GRWD1: variants seen among roughly 807,000 people sequenced by gnomAD.
GRWD1 encodes the protein glutamate rich WD repeat containing 1.
GRWD1 carries 29 observed loss-of-function variants against 45.3 expected under a neutral mutation model. The observed-to-expected ratio is 0.64, with a 90% CI of 0.48 to 0.87. The LOEUF is 0.87. GRWD1 is among the 40% of genes least tolerant of loss of function. The pLI is 0.00. For missense variants in GRWD1, 592 were observed against 618.8 expected (o/e 0.96, Z 0.46); for synonymous variants, 262 against 257.6 (o/e 1.02, Z -0.16).
chr19:48,450,202 A>G lies in GRWD1; in HGVS notation c.469-111A>G. On this transcript the variant is annotated intron_variant, in intron 3 of 6. Transcript: ENST00000253237. The surrounding 1 kb of genome is among the most constrained non-coding windows in gnomAD (Gnocchi z 5.1). ...GGAGCTGTAGTCCCAGGCCTGGGAG[A>G]TCTGAGGAAGCGCACTTCTGGTTCT... is the stretch of plus-strand genomic sequence containing the variant. The G allele has an allele frequency of 1.2e-6, 1 of 800,348 alleles. No homozygotes were observed. Among genetic ancestry groups the G allele is most frequent in the Non-Finnish European group, 2.1e-6 (1 of 487,748 alleles). 49.6% of individuals were successfully genotyped at this position (800,348 alleles called of 1,614,324 possible).
chr19:48,450,884 G>C lies in GRWD1; in HGVS notation c.825+76G>C. On this transcript the variant is annotated intron_variant, in intron 5 of 6. Transcript: ENST00000253237. The surrounding 1 kb of genome is among the most constrained non-coding windows in gnomAD (Gnocchi z 5.1). ...GGGACCTAGAATCCTAGGTCTGAGG[G>C]AAAAGAGGGCTGGGAGCCTGACGGA... is the stretch of plus-strand genomic sequence containing the variant. 1.3e-6 allele frequency: 2 copies of C among 1,531,242 alleles called. No homozygotes were observed. Among genetic ancestry groups the C allele is most frequent in the South Asian group, 1.2e-5 (1 of 85,294 alleles). 94.9% of individuals were successfully genotyped at this position (1,531,242 alleles called of 1,614,324 possible).
In GRWD1 at chr19:48,446,960, G is replaced by A. The variant is rs929767938; in HGVS notation, c.468+117G>A. On this transcript the variant is annotated intron_variant, in intron 3 of 6. Transcript: ENST00000253237. Reference sequence around the variant, plus strand: ...TTTTTTTTTTTTTTTTTTTTGAGACGTAGTCTCGCTCTGTCACCCAGGCTG... The same window carrying A: ...TTTTTTTTTTTTTTTTTTTTGAGACATAGTCTCGCTCTGTCACCCAGGCTG... 90 of 906,546 alleles carry A rather than the reference G, an allele frequency of 9.9e-5. 1 individual carries two copies. Among genetic ancestry groups the A allele is most frequent in the Non-Finnish European group, 1.3e-4 (82 of 636,060 alleles). The allele number at this position is 906,546 out of a possible 1,614,324, so 56.2% of individuals were successfully genotyped here.
Position 48,450,925 on chromosome 19 carries a change from C to T in GRWD1, c.826-109C>T. ...GCCTGACGGAGGTTTAGTTTCCAGG[C>T]CAAGTCATAGTAAGGGGAACAGTGA... On this transcript the variant is annotated intron_variant, in intron 5 of 6. Coordinates refer to ENST00000253237, the MANE Select transcript of GRWD1 (RefSeq NM_031485.4). This position sits in a 1 kb window ranked among gnomAD's most constrained non-coding sequence, Gnocchi z 5.1. 2 of 1,503,480 alleles carry T rather than the reference C, an allele frequency of 1.3e-6. No homozygotes were observed. The highest frequency in any genetic ancestry group is 1.8e-6 in the Non-Finnish European group (2 of 1,104,122). 93.1% of individuals were successfully genotyped at this position (1,503,480 alleles called of 1,614,324 possible). A position where few individuals can be genotyped will look rare whatever the true frequency, so the allele number is the denominator to read the frequency against.
At position 48,446,043 on chromosome 19, in the gene GRWD1, C is replaced by T; in HGVS notation, c.38C>T (p.Thr13Ile). ...ARKGRRRTCE[T>I]GEPMEAESGD... ...AAGGGTCGGCGGCGCACGTGTGAAA[C>T]CGGGGAACCCATGGAAGCCGAGTCC... Residue 13 changes from threonine to isoleucine, a missense_variant, in exon 1 of 7, where the codon ACC (threonine) becomes ATC (isoleucine). Physicochemically the swap from Thr to Ile is moderately conservative, Grantham distance 89. Coordinates refer to ENST00000253237, the MANE Select transcript of GRWD1 (RefSeq NM_031485.4). 1 of 1,597,162 alleles carries T rather than the reference C, an allele frequency of 6.3e-7. No homozygotes were observed. The highest frequency in any genetic ancestry group is 1.8e-5 in the Admixed American group (1 of 57,140).
In GRWD1 at chr19:48,456,187, A is replaced by T. The variant is rs1005545769; in HGVS notation, c.*3162A>T. ...GGCTGGGGCCTGGGGAGCACAGGTC[A>T]GTGTCAGTGCCCACCTGCCCCCCCA... On this transcript the variant is annotated 3_prime_UTR_variant, in exon 7 of 7. Coordinates refer to ENST00000253237, the MANE Select transcript of GRWD1 (RefSeq NM_031485.4). 2.0e-5 allele frequency: 3 copies of T among 152,248 alleles called. No individual in the cohort carries two copies. The highest frequency in any genetic ancestry group is 7.2e-5 in the African/African-American group (3 of 41,436). The allele number at this position is 152,248 out of a possible 1,614,324, so 9.4% of individuals were successfully genotyped here.
chr19:48,455,044 C>T lies in GRWD1; in HGVS notation c.*2019C>T, dbSNP rs1478599227. 2.8e-5 allele frequency: 4 copies of T among 144,508 alleles called. No homozygotes were observed. The highest frequency in any genetic ancestry group is 7.0e-5 in the Admixed American group (1 of 14,360). The allele number at this position is 144,508 out of a possible 1,614,324, so 9.0% of individuals were successfully genotyped here. On this transcript the variant is annotated 3_prime_UTR_variant, in exon 7 of 7. Transcript: ENST00000253237. ...TCCCCCCCTCTCTCTGGGTCTCTGT[C>T]CCCCTCTGTCTCTGAGTCTCTATCC...
chr19:48,452,522 T>A lies in GRWD1; in HGVS notation c.1024-186T>A, dbSNP rs1415154516. Among the ~76,000 whole-genome samples, 1 of 152,194 alleles carries A rather than the reference T, an allele frequency of 6.6e-6. No individual in the cohort carries two copies. The stretch of plus-strand genomic sequence containing the variant: ...TCACAGTTCCCAGCAACCCCTGGGC[T>A]GGTCAGCCTTCTTAGCAGCCAGAAT... On this transcript the variant is annotated intron_variant, in intron 6 of 6. Transcript: ENST00000253237. This position sits in a 1 kb window ranked among gnomAD's most constrained non-coding sequence, Gnocchi z 5.1.
rs1459116229 is a variant in GRWD1 at position 48,454,678 on chromosome 19, C to T, written c.*1653C>T. ...ACCCCTGCCCCAGCATCCCTGTCCT[C>T]AGCTTGTCCCCTTCAAGAAGGCCTT... On this transcript the variant is annotated 3_prime_UTR_variant, in exon 7 of 7. Transcript: ENST00000253237. The T allele has an allele frequency of 6.6e-6, 1 of 152,264 alleles. No individual in the cohort carries two copies. Among genetic ancestry groups the T allele is most frequent in the African/African-American group, 2.4e-5 (1 of 41,326 alleles). The allele number at this position is 152,264 out of a possible 1,614,324, so 9.4% of individuals were successfully genotyped here. A position where few individuals can be genotyped will look rare whatever the true frequency, so the allele number is the denominator to read the frequency against.
Position 48,453,038 on chromosome 19 carries a change from G to T in GRWD1, c.*13G>T. ...CATCAGCGTCTGAGGCGTCCCACTGGCTCTGATCTTGCTTCCTGCTTGGAA... is the reference window on the plus strand; with the variant it reads ...CATCAGCGTCTGAGGCGTCCCACTGTCTCTGATCTTGCTTCCTGCTTGGAA... On this transcript the variant is annotated 3_prime_UTR_variant, in exon 7 of 7. Coordinates refer to ENST00000253237, the MANE Select transcript of GRWD1 (RefSeq NM_031485.4). The T allele has an allele frequency of 1.3e-6, 2 of 1,557,314 alleles. No homozygotes were observed. The highest frequency in any genetic ancestry group is 2.3e-5 in the South Asian group (2 of 85,156).
In GRWD1 at chr19:48,446,137, G is replaced by T; in HGVS notation, c.132G>T (p.Gly44=). 1 of 1,608,106 alleles carries T rather than the reference G, an allele frequency of 6.2e-7. No individual in the cohort carries two copies. Among genetic ancestry groups the T allele is most frequent in the Non-Finnish European group, 8.5e-7 (1 of 1,178,426 alleles). Residue 44 remains glycine (G), a synonymous_variant, in exon 1 of 7, where the codon GGG becomes GGT. Transcript: ENST00000253237. ...GCCGGGGGCCGCCGCTACGCGAAGG[G>T]GAGGAGCTGGTCATGGACGAGGAGG... The part of the protein sequence containing the change: ...LPGRGPPLRE[G]EELVMDEEAY...
chr19:48,447,071 A>T (rs2380119), intron 3 of GRWD1, among the ~76,000 whole-genome samples: 1,580 of 19,240 alleles, frequency 0.082, 431 homozygotes, highest in Non-Finnish European at 0.33. Flanking sequence ...TGCCTGGCCC[A>T]TTTTTTTTTT....
chr19:48,448,483 C>T (rs893726918), intron 3 of GRWD1, among the ~76,000 whole-genome samples: 1 of 152,062 alleles, frequency 6.6e-6, no homozygotes, highest in Non-Finnish European at 1.5e-5. Flanking sequence ...GGGAAGGGAA[C>T]GAGATGAAAC....
chr19:48,449,505 G>T (rs1971447285), intron 3 of GRWD1, among the ~76,000 whole-genome samples: 2 of 152,182 alleles, frequency 1.3e-5, no homozygotes, highest in African/African-American at 4.8e-5. Flanking sequence ...GTGGCAATTA[G>T]GAGCTTGGCT....
At chr19:48,449,694 A>AC (rs950232166) in intron 3 of GRWD1, among the ~76,000 whole-genome samples, 3 of 152,092 alleles carry the variant, frequency 2.0e-5, no homozygotes, top group African/African-American at 7.2e-5. Context: ...GATGGTGCTT[A>AC]CCCATAGTCC....
rs1340842211 is a variant in GRWD1 at position 48,446,081 on chromosome 19, T to C, written c.76T>C (p.Ser26Pro). 6.3e-7 allele frequency: 1 copy of C among 1,595,856 alleles called. No homozygotes were observed. The highest frequency in any genetic ancestry group is 8.5e-7 in the Non-Finnish European group (1 of 1,173,232). The change falls in exon 1 of 7, where the codon TCC becomes CCC. Residue 26 changes from serine (S) to proline (P), a missense_variant. Transcript: ENST00000253237. ...PMEAESGDTS[S>P]EGPAQVYLPG... ...GGAAGCCGAGTCCGGCGACACAAGTTCCGAGGGCCCGGCCCAGGTCTACCT... is the reference window on the plus strand; with the variant it reads ...GGAAGCCGAGTCCGGCGACACAAGTCCCGAGGGCCCGGCCCAGGTCTACCT...
intron 3 of GRWD1, among the ~76,000 whole-genome samples, chr19:48,449,791 G>A (rs11083937): frequency 0.83 from 126,905 of 151,994 alleles, 53,656 homozygotes; most frequent in Non-Finnish European, 0.91. Flanking sequence ...ACTGCACTCC[G>A]TCCTGGGCAA....
At chr19:48,446,356 A>C in intron 1 of GRWD1, 29 bp from the exon 2 acceptor site, 1 of 1,606,090 alleles carries the variant, frequency 6.2e-7, no homozygotes, top group South Asian at 1.1e-5. Context: ...GTCCCGTCTT[A>C]ACTCGTAAAC....
chr19:48,447,159 C>T (rs1356584083), intron 3 of GRWD1, among the ~76,000 whole-genome samples: 2 of 150,850 alleles, frequency 1.3e-5, no homozygotes, highest in African/African-American at 4.9e-5. Flanking sequence ...CTGCAACCTC[C>T]CCTTCCCAGG....
intron 3 of GRWD1, among the ~76,000 whole-genome samples, chr19:48,448,745 A>G (rs56263003): frequency 0.15 from 22,870 of 152,194 alleles, 2,084 homozygotes; most frequent in South Asian, 0.29. Context: ...ATGTTTGAAG[A>G]GTTTCAAGTG....
Sources: allele counts gnomAD v4.1 joint callset (sites outside exome capture counted in the v4.1 genomes callset), GRCh38; gene constraint gnomAD v4.1.1; non-coding constraint Gnocchi (gnomAD v3.1); transcripts MANE v1.5; gene names NCBI Gene and HGNC (gene_info 2026-07-23, HGNC 2026-07-21).